The following EXOC4 variants were observed in gnomAD, a reference collection of about 807,000 sequenced individuals.
The protein encoded by EXOC4 is exocyst complex component 4.
A neutral mutation model predicts 107.2 loss-of-function variants in EXOC4; 71 were observed. That is an observed-to-expected ratio of 0.66 (90% CI 0.55 to 0.81). The LOEUF (loss-of-function observed/expected upper bound fraction) is 0.81, where lower values mean the gene tolerates loss of function less well. Among genes scored for constraint, EXOC4 ranks in the 30% least tolerant of loss-of-function variants. EXOC4 has a pLI of 0.00. For synonymous variants in EXOC4, 456 were observed against 441.2 expected, an observed-to-expected ratio of 1.03 and a Z score of -0.42; for missense variants, 1,108 against 1,189.6, an observed-to-expected ratio of 0.93 and a Z score of 1.01.
chr7:133,415,757 C>T (rs994280248), intron 7 of EXOC4, among the ~76,000 whole-genome samples: 5 of 152,108 alleles, frequency 3.3e-5, no homozygotes, highest in Admixed American at 6.5e-5. Context: ...ATATACATAG[C>T]TGTTATATTA....
chr7:133,906,031 T>C (rs551546715), intron 12 of EXOC4, among the ~76,000 whole-genome samples: 48 of 152,224 alleles, frequency 3.2e-4, no homozygotes, highest in Non-Finnish European at 4.4e-5. Flanking sequence ...GTGGACAGTG[T>C]GGTTGGGTAG....
chr7:133,939,042 G>A (rs548841318), intron 14 of EXOC4, among the ~76,000 whole-genome samples: 14 of 152,252 alleles, frequency 9.2e-5, no homozygotes, highest in Admixed American at 5.9e-4. Context: ...GAGCAAGCAC[G>A]TCCAGACCAA....
At chr7:133,993,872 T>A (rs1794317069) in intron 14 of EXOC4, among the ~76,000 whole-genome samples, 1 of 152,164 alleles carries the variant, frequency 6.6e-6, no homozygotes, top group South Asian at 2.1e-4. Context: ...CAAAAGACTC[T>A]ACTTAGGGGG....
chr7:133,830,428 G>T (rs534373220), intron 11 of EXOC4, among the ~76,000 whole-genome samples: 3 of 152,312 alleles, frequency 2.0e-5, no homozygotes, highest in Non-Finnish European at 4.4e-5. Flanking sequence ...CTTTCAAAAT[G>T]TTGCTTTAGA....
intron 10 of EXOC4, among the ~76,000 whole-genome samples, chr7:133,658,074 G>A (rs1232734524): frequency 6.6e-6 from 1 of 152,114 alleles, no homozygotes; most frequent in Non-Finnish European, 1.5e-5. Context: ...TCCTAAAATA[G>A]GAGATGTCTA....
intron 3 of EXOC4, among the ~76,000 whole-genome samples, chr7:133,299,569 G>A (rs922903647): frequency 1.3e-5 from 2 of 152,142 alleles, no homozygotes; most frequent in Non-Finnish European, 2.9e-5. Flanking sequence ...GAACAAGTCC[G>A]CATTTCATGG....
intron 7 of EXOC4, among the ~76,000 whole-genome samples, chr7:133,395,664 A>T (rs2150723629): frequency 6.6e-6 from 1 of 152,140 alleles, no homozygotes; most frequent in African/African-American, 2.4e-5. Flanking sequence ...ATATATATAT[A>T]CACTGTATAT....
At chr7:133,434,999 C>G (rs1466773578) in intron 7 of EXOC4, among the ~76,000 whole-genome samples, 1 of 152,064 alleles carries the variant, frequency 6.6e-6, no homozygotes, top group Non-Finnish European at 1.5e-5. Flanking sequence ...CTTAATTTTC[C>G]AGAAAATAGT....
intron 10 of EXOC4, among the ~76,000 whole-genome samples, chr7:133,681,968 A>G (rs1054970357): frequency 6.7e-4 from 102 of 152,132 alleles, no homozygotes; most frequent in Admixed American, 6.6e-3. Context: ...CAGTGGCATG[A>G]TCATAGTTCA....
chr7:133,682,615 A>G (rs1435644909), intron 10 of EXOC4, among the ~76,000 whole-genome samples: 2 of 152,212 alleles, frequency 1.3e-5, no homozygotes, highest in Non-Finnish European at 2.9e-5. Flanking sequence ...GGTTTATACC[A>G]TTAAGTTTGT....
At chr7:133,255,188 T>C (rs560870832) in intron 1 of EXOC4, among the ~76,000 whole-genome samples, 2 of 151,904 alleles carry the variant, frequency 1.3e-5, no homozygotes, top group East Asian at 3.9e-4. Flanking sequence ...TTTCTTTTCT[T>C]TTTTTTTGAG....
the EXOC4 span, among the ~76,000 whole-genome samples, chr7:134,077,625 T>C: frequency 2.0e-5 from 3 of 152,194 alleles, no homozygotes; most frequent in African/African-American, 7.2e-5. Context: ...ACCTGAATTT[T>C]ATACACACTT....
intron 10 of EXOC4, among the ~76,000 whole-genome samples, chr7:133,787,484 G>T (rs1213267289): frequency 6.6e-6 from 1 of 151,872 alleles, no homozygotes; most frequent in African/African-American, 2.4e-5. Flanking sequence ...AGGTGGTAGT[G>T]CTTTATAGTT....
intron 1 of EXOC4, among the ~76,000 whole-genome samples, chr7:133,264,058 G>A (rs764085088): frequency 6.6e-6 from 1 of 152,154 alleles, no homozygotes; most frequent in Non-Finnish European, 1.5e-5. Flanking sequence ...AGGATGTGGG[G>A]CTGCAAAAGA....
chr7:133,993,548 T>C (rs1364233022), intron 14 of EXOC4, among the ~76,000 whole-genome samples: 1 of 152,216 alleles, frequency 6.6e-6, no homozygotes, highest in Admixed American at 6.5e-5. Flanking sequence ...ATTTAAAATT[T>C]CAGAGGTTGA....
intron 9 of EXOC4, among the ~76,000 whole-genome samples, chr7:133,537,281 G>A (rs1800288525): frequency 1.3e-5 from 2 of 148,938 alleles, no homozygotes; most frequent in South Asian, 4.3e-4. Flanking sequence ...CTCCTGGGTA[G>A]TTGGGATTAC....
rs971993819 is a variant in EXOC4 at position 133,707,629 on chromosome 7, T to A, written c.1514+77488T>A. Among the ~76,000 whole-genome samples, 33 of 152,062 alleles carry A rather than the reference T, an allele frequency of 2.2e-4. 1 individual carries two copies. The highest frequency in any genetic ancestry group is 2.9e-4 in the African/African-American group (12 of 41,404). On this transcript the variant is annotated intron_variant, in intron 10 of 17. Transcript: ENST00000253861. Reference sequence around the variant, plus strand: ...TTATTTTTTATTTATTTATTTATTTTTTTTGAGATGGAGCCTCACTCCATC... The same window carrying A: ...TTATTTTTTATTTATTTATTTATTTATTTTGAGATGGAGCCTCACTCCATC...
At chr7:133,942,460 T>C (rs1373096175) in intron 14 of EXOC4, among the ~76,000 whole-genome samples, 2 of 152,182 alleles carry the variant, frequency 1.3e-5, no homozygotes, top group Non-Finnish European at 2.9e-5. Context: ...GTTGCCAGAA[T>C]TGGTTTGTGA....
Position 133,798,129 on chromosome 7 carries a change from C to T in EXOC4, c.1515-19196C>T, listed in dbSNP as rs556586470. ...CAAATTATGAGTATTTTTGCCAGTC[C>T]TACCACCAAGAAACCAGCTGCTTTC... On this transcript the variant is annotated intron_variant, in intron 10 of 17. Transcript: ENST00000253861. Among the ~76,000 whole-genome samples the T allele has an allele frequency of 8.5e-5, 13 of 152,190 alleles. No homozygotes were observed. In the South Asian group the frequency reaches 2.7e-3, roughly 32 times the overall value.
Sources: allele counts gnomAD v4.1 joint callset (sites outside exome capture counted in the v4.1 genomes callset), GRCh38; gene constraint gnomAD v4.1.1; transcripts MANE v1.5; gene names NCBI Gene and HGNC (gene_info 2026-07-23, HGNC 2026-07-21).